Variants in FUT9 observed in about 807,000 individuals in gnomAD.
FUT9 encodes the protein fucosyltransferase 9.
Under a neutral mutation model 29.7 loss-of-function variants are expected in FUT9, and 15 were observed. The ratio of observed to expected loss-of-function variants is 0.51; its 90% CI spans 0.34 to 0.78. The LOEUF (loss-of-function observed/expected upper bound fraction) is 0.78. FUT9 is among the 30% of genes least tolerant of loss of function. The pLI, the probability that FUT9 is intolerant of heterozygous loss-of-function variation, is 0.01. For missense variants in FUT9, 319 were observed against 425.4 expected, an observed-to-expected ratio of 0.75 and a Z score of 2.20; for synonymous variants, 169 against 153.7, an observed-to-expected ratio of 1.10 and a Z score of -0.74.
chr6:96,050,965 A>C (rs1393129673), intron 1 of FUT9, among the ~76,000 whole-genome samples: 1 of 152,028 alleles, frequency 6.6e-6, no homozygotes, highest in African/African-American at 2.4e-5. Context: ...TGATGTGTGC[A>C]TATATTGTCC....
chr6:96,125,290 G>A (rs1772113933), intron 2 of FUT9, among the ~76,000 whole-genome samples: 1 of 152,242 alleles, frequency 6.6e-6, no homozygotes, highest in East Asian at 1.9e-4. Context: ...GATCCATGAG[G>A]CCTAATGTCA....
intron 1 of FUT9, among the ~76,000 whole-genome samples, chr6:96,092,453 C>A (rs1281749311): frequency 6.6e-6 from 1 of 152,012 alleles, no homozygotes; most frequent in Non-Finnish European, 1.5e-5. Context: ...CTTCCTATAA[C>A]TCCTAAGATT....
intron 1 of FUT9, among the ~76,000 whole-genome samples, chr6:96,055,570 G>A (rs988956488): frequency 1.3e-4 from 19 of 151,292 alleles, no homozygotes; most frequent in Admixed American, 6.6e-5. Context: ...AAATGTGCAG[G>A]CTTGTTACCT....
chr6:96,056,703 G>A (rs1016945219), intron 1 of FUT9, among the ~76,000 whole-genome samples: 5 of 151,584 alleles, frequency 3.3e-5, no homozygotes, highest in African/African-American at 9.7e-5. Flanking sequence ...AGCTATGATC[G>A]CACCACATCC....
At chr6:96,130,663 C>A (rs1381400878) in intron 2 of FUT9, among the ~76,000 whole-genome samples, 2 of 152,220 alleles carry the variant, frequency 1.3e-5, no homozygotes, top group Admixed American at 6.5e-5. Flanking sequence ...AAAAGTAATT[C>A]TTTTTCCTCC....
chr6:96,126,662 T>C (rs1772139442), intron 2 of FUT9, among the ~76,000 whole-genome samples: 1 of 152,246 alleles, frequency 6.6e-6, no homozygotes, highest in South Asian at 2.1e-4. Flanking sequence ...TGCGTCAGAC[T>C]AAGAGATTGA....
intron 2 of FUT9, among the ~76,000 whole-genome samples, chr6:96,142,946 A>C (rs1772492002): frequency 6.6e-6 from 1 of 152,190 alleles, no homozygotes; most frequent in Non-Finnish European, 1.5e-5. Flanking sequence ...AACTATTTTT[A>C]TGTAGATTAT....
At position 96,210,299 on chromosome 6, in the gene FUT9, G is replaced by A. The variant is rs1352164256; in HGVS notation, c.*6064G>A. 4.2e-5 allele frequency: 7 copies of A among 166,858 alleles called. No homozygotes were observed. Among genetic ancestry groups the A allele is most frequent in the Admixed American group, 6.6e-5 (1 of 15,232 alleles). The allele number at this position is 166,858 out of a possible 1,614,324, so 10.3% of individuals were successfully genotyped here. A position where few individuals can be genotyped will look rare whatever the true frequency, so the allele number is the denominator to read the frequency against. The stretch of plus-strand genomic sequence containing the variant: ...ATACCTAATTATTTCACACAAGAGC[G>A]TGGAACTCACCAGTCTTGTGACTTG... On this transcript the variant is annotated 3_prime_UTR_variant, in exon 3 of 3. Transcript: ENST00000302103.
chr6:96,191,181 C>T (rs1037658332), intron 2 of FUT9, among the ~76,000 whole-genome samples: 10 of 151,888 alleles, frequency 6.6e-5, no homozygotes, highest in Admixed American at 5.3e-4. Flanking sequence ...CCCTTTTTGC[C>T]TGGGTATCAG....
At chr6:96,063,092 A>G (rs890372974) in intron 1 of FUT9, among the ~76,000 whole-genome samples, 18 of 152,202 alleles carry the variant, frequency 1.2e-4, no homozygotes, top group African/African-American at 3.6e-4. Context: ...TACCTTATCT[A>G]TGAAATACTC....
intron 2 of FUT9, among the ~76,000 whole-genome samples, chr6:96,192,347 A>G (rs1773526874): frequency 6.6e-6 from 1 of 152,220 alleles, no homozygotes; most frequent in Admixed American, 6.5e-5. Flanking sequence ...TAGCAACTTC[A>G]GCAAAGTCTC....
chr6:96,084,176 AT>A (rs2127951719), intron 1 of FUT9, among the ~76,000 whole-genome samples: 1 of 152,234 alleles, frequency 6.6e-6, no homozygotes, highest in African/African-American at 2.4e-5. Flanking sequence ...AAAGTGACTT[AT>A]CACACTAAAA....
intron 1 of FUT9, among the ~76,000 whole-genome samples, chr6:96,110,622 C>T (rs913997979): frequency 6.6e-6 from 1 of 152,118 alleles, no homozygotes; most frequent in Non-Finnish European, 1.5e-5. Context: ...CTCTTTCTCT[C>T]CACCTATTCT....
At chr6:96,060,050 TCGCCTA>T (rs1320991644) in intron 1 of FUT9, among the ~76,000 whole-genome samples, 1 of 152,188 alleles carries the variant, frequency 6.6e-6, no homozygotes, top group African/African-American at 2.4e-5. Context: ...CATAGAACAA[TCGCCTA>T]CTTTCTTTAT....
chr6:96,148,085 G>C (rs986525876), intron 2 of FUT9, among the ~76,000 whole-genome samples: 2 of 151,720 alleles, frequency 1.3e-5, no homozygotes, highest in Non-Finnish European at 2.9e-5. Flanking sequence ...GCAATTAATT[G>C]AAGTCCAGTC....
chr6:96,107,478 C>G (rs922496314), intron 1 of FUT9, among the ~76,000 whole-genome samples: 2 of 152,116 alleles, frequency 1.3e-5, no homozygotes, highest in Admixed American at 1.3e-4. Context: ...ATTTCTAGTA[C>G]TGCTTAAAGC....
intron 1 of FUT9, among the ~76,000 whole-genome samples, chr6:96,072,594 T>C (rs1771080538): frequency 6.6e-6 from 1 of 152,196 alleles, no homozygotes; most frequent in African/African-American, 2.4e-5. Flanking sequence ...CACGTACCTC[T>C]ATGGGGTATG....
At chr6:96,163,280 C>CTTTT (rs36099595) in intron 2 of FUT9, among the ~76,000 whole-genome samples, 8,309 of 142,976 alleles carry the variant, frequency 0.058, 425 homozygotes, top group Non-Finnish European at 0.083. Flanking sequence ...CTTCCAAGCT[C>CTTTT]TTTTTTTTTT....
intron 1 of FUT9, among the ~76,000 whole-genome samples, chr6:96,082,118 T>C (rs1399876710): frequency 1.3e-5 from 2 of 151,814 alleles, no homozygotes; most frequent in African/African-American, 2.4e-5. Flanking sequence ...TCTTGACTTT[T>C]TACTCTTTTT....
Sources: allele counts gnomAD v4.1 joint callset (sites outside exome capture counted in the v4.1 genomes callset), GRCh38; gene constraint gnomAD v4.1.1; transcripts MANE v1.5; gene names NCBI Gene and HGNC (gene_info 2026-07-23, HGNC 2026-07-21).